The following ITPR2 variants were observed in gnomAD, a reference collection of about 807,000 sequenced individuals.
The protein encoded by ITPR2 is inositol 1,4,5-trisphosphate receptor type 2, also known as inositol 1,4,5-trisphosphate-gated calcium channel ITPR2.
A neutral mutation model predicts 317.1 loss-of-function variants in ITPR2; 207 were observed. That is an observed-to-expected ratio of 0.65 (90% confidence interval 0.58 to 0.73). The LOEUF (loss-of-function observed/expected upper bound fraction) is 0.73, where lower values mean the gene tolerates loss of function less well. ITPR2 is among the 30% of genes least tolerant of loss of function. ITPR2 has a pLI of 0.00. For synonymous variants in ITPR2, 1,156 were observed against 1,149.1 expected (o/e 1.01, Z -0.12); for missense variants, 2,613 against 3,284.0 (o/e 0.80, Z 4.99).
chr12:26,770,703 A>C (rs143144788), intron 2 of ITPR2, among the ~76,000 whole-genome samples: 2,174 of 152,286 alleles, frequency 0.014, 55 homozygotes, highest in African/African-American at 0.05. Flanking sequence ...AGGTAGTTTT[A>C]GGTTGGCGCA....
intron 2 of ITPR2, among the ~76,000 whole-genome samples, chr12:26,727,652 T>C (rs964723955): frequency 2.0e-5 from 3 of 152,066 alleles, no homozygotes; most frequent in Admixed American, 2.0e-4. Flanking sequence ...AGCCAAACTG[T>C]GTTTACTGTA....
intron 52 of ITPR2, among the ~76,000 whole-genome samples, chr12:26,407,227 G>C (rs1283462094): frequency 6.6e-6 from 1 of 152,206 alleles, no homozygotes; most frequent in Non-Finnish European, 1.5e-5. Flanking sequence ...TATATTAGGT[G>C]AAGTGCAGGT....
chr12:26,799,528 A>G (rs1462054378), intron 1 of ITPR2, among the ~76,000 whole-genome samples: 1 of 152,238 alleles, frequency 6.6e-6, no homozygotes, highest in Non-Finnish European at 1.5e-5. Flanking sequence ...TAAAAGAGTT[A>G]CACATAGCCT....
chr12:26,580,758 A>G (rs367578002), intron 32 of ITPR2, among the ~76,000 whole-genome samples: 5 of 152,332 alleles, frequency 3.3e-5, no homozygotes, highest in East Asian at 3.9e-4. Flanking sequence ...TCAGCCAAAG[A>G]GACAATGCTG....
chr12:26,504,349 G>A (rs1177487430), intron 37 of ITPR2, among the ~76,000 whole-genome samples: 1 of 152,112 alleles, frequency 6.6e-6, no homozygotes, highest in Non-Finnish European at 1.5e-5. Context: ...TTAACATTCA[G>A]AGGCTTGCAA....
At chr12:26,414,045 A>G (rs1003639541) in intron 51 of ITPR2, among the ~76,000 whole-genome samples, 3 of 87,660 alleles carry the variant, frequency 3.4e-5, no homozygotes, top group African/African-American at 1.2e-4. Context: ...CTACATGTAT[A>G]TATGTACACA....
chr12:26,489,038 G>A lies in ITPR2; in HGVS notation c.5371-1787C>T, dbSNP rs139889004. ...CTAAATGTATAAAACAACCTCTTAC[G>A]ATGAAAATGCTAGATTATTTACATA... On this transcript the variant is annotated intron_variant, in intron 39 of 56. Coordinates refer to ENST00000381340, the MANE Select transcript of ITPR2 (RefSeq NM_002223.4). Among the ~76,000 whole-genome samples the A allele has an allele frequency of 1.1e-4, 17 of 152,212 alleles. No individual in the cohort carries two copies. In the East Asian group the frequency reaches 2.5e-3, roughly 22 times the overall value.
chr12:26,782,024 ATATATATAT>A (rs1565759931), intron 2 of ITPR2, among the ~76,000 whole-genome samples: 1,409 of 29,096 alleles, frequency 0.048, 25 homozygotes, highest in Non-Finnish European at 0.06. Flanking sequence ...ATATATATAT[ATATATATAT>A]GTATAGAGAG....
chr12:26,588,938 T>C (rs1945612246), intron 32 of ITPR2, among the ~76,000 whole-genome samples: 2 of 152,124 alleles, frequency 1.3e-5, no homozygotes, highest in Admixed American at 1.3e-4. Flanking sequence ...AAAGAAAAAA[T>C]ATAGTCTGAG....
Position 26,538,036 on chromosome 12 carries a change from T to G in ITPR2, c.5073+12211A>C, listed in dbSNP as rs1944147631. On this transcript the variant is annotated intron_variant, in intron 37 of 56. Coordinates refer to ENST00000381340, the MANE Select transcript of ITPR2 (RefSeq NM_002223.4). ...TTTAACGTAAAAAAACAGTTGCCTC[T>G]GGCAGCCATGTGTGAAATTCCTACA... Among the ~76,000 whole-genome samples, 8 of 152,236 alleles carry G rather than the reference T, an allele frequency of 5.3e-5. No individual in the cohort carries two copies. In the South Asian group the frequency reaches 1.7e-3, roughly 32 times the overall value.
At chr12:26,770,948 G>C (rs1013445248) in intron 2 of ITPR2, among the ~76,000 whole-genome samples, 13 of 152,132 alleles carry the variant, frequency 8.5e-5, no homozygotes, top group Non-Finnish European at 1.5e-4. Context: ...GCTTCTGGTG[G>C]CTCAAAGTCC....
At chr12:26,510,735 T>C (rs564785137) in intron 37 of ITPR2, among the ~76,000 whole-genome samples, 1 of 152,344 alleles carries the variant, frequency 6.6e-6, no homozygotes, top group African/African-American at 2.4e-5. Context: ...AAACTAATAT[T>C]TGATTACGTA....
chr12:26,619,585 A>G (rs1439074961), intron 26 of ITPR2, among the ~76,000 whole-genome samples: 1 of 152,082 alleles, frequency 6.6e-6, no homozygotes, highest in Non-Finnish European at 1.5e-5. Flanking sequence ...ACCCAGAAAT[A>G]GATACTCCTT....
At chr12:26,601,732 A>G (rs537853209) in intron 28 of ITPR2, among the ~76,000 whole-genome samples, 2 of 152,234 alleles carry the variant, frequency 1.3e-5, no homozygotes, top group South Asian at 4.1e-4. Context: ...CTGCTCCACA[A>G]AATACCTATT....
intron 55 of ITPR2, among the ~76,000 whole-genome samples, chr12:26,372,667 G>A (rs555700416): frequency 6.6e-5 from 10 of 152,268 alleles, no homozygotes; most frequent in African/African-American, 2.2e-4. Flanking sequence ...AATAAAGTGA[G>A]GCAACTGTGA....
chr12:26,679,334 G>T (rs1947981424), intron 13 of ITPR2, among the ~76,000 whole-genome samples: 1 of 152,168 alleles, frequency 6.6e-6, no homozygotes, highest in Non-Finnish European at 1.5e-5. Context: ...GACAGGGATG[G>T]AGGGAAGCAA....
At chr12:26,647,983 A>G (rs574583003) in intron 21 of ITPR2, among the ~76,000 whole-genome samples, 1 of 152,122 alleles carries the variant, frequency 6.6e-6, no homozygotes, top group Non-Finnish European at 1.5e-5. Context: ...CCATTGTGAC[A>G]GGGAGCAGCC....
chr12:26,382,093 T>G (rs891601573), intron 55 of ITPR2, among the ~76,000 whole-genome samples: 1 of 152,198 alleles, frequency 6.6e-6, no homozygotes, highest in South Asian at 2.1e-4. Flanking sequence ...AAGGCCATTA[T>G]CAGTATGGGA....
chr12:26,587,733 CT>C (rs1246908803), intron 32 of ITPR2, among the ~76,000 whole-genome samples: 3 of 152,144 alleles, frequency 2.0e-5, no homozygotes, highest in African/African-American at 7.2e-5. Context: ...CCCTTCATCC[CT>C]TTCTCCTCCA....
Sources: gnomAD v4.1 joint callset for allele counts (sites outside exome capture counted in the v4.1 genomes callset) on GRCh38, gnomAD v4.1.1 for gene constraint, MANE v1.5 for transcripts, NCBI Gene and HGNC (gene_info 2026-07-23, HGNC 2026-07-21) for gene names.